CALN1: variants seen among roughly 807,000 people sequenced by gnomAD.
CALN1 encodes calcium-binding protein 8.
Under a neutral mutation model 30.6 loss-of-function variants are expected in CALN1, and 17 were observed. That is an observed-to-expected ratio of 0.56 (90% confidence interval 0.38 to 0.83). CALN1 has a LOEUF of 0.83. Ranked by LOEUF, CALN1 falls within the 40% of genes least tolerant of loss-of-function variation. The pLI is 0.00. For missense variants in CALN1, 291 were observed against 354.9 expected, an observed-to-expected ratio of 0.82 and a Z score of 1.45; for synonymous variants, 156 against 131.4, an observed-to-expected ratio of 1.19 and a Z score of -1.28.
the CALN1 span, among the ~76,000 whole-genome samples, chr7:72,501,869 A>G: frequency 7.2e-6 from 1 of 139,704 alleles, no homozygotes; most frequent in Non-Finnish European, 1.5e-5. Flanking sequence ...AGATCATGCC[A>G]CTGCACTCCA....
intron 3 of CALN1, among the ~76,000 whole-genome samples, chr7:72,216,831 A>C (rs1253128154): frequency 1.3e-5 from 2 of 152,190 alleles, no homozygotes; most frequent in Non-Finnish European, 2.9e-5. Flanking sequence ...GGCTTACAGC[A>C]GACTCAACTT....
intron 3 of CALN1, among the ~76,000 whole-genome samples, chr7:72,207,575 G>A (rs1234432710): frequency 6.6e-6 from 1 of 152,048 alleles, no homozygotes; most frequent in Non-Finnish European, 1.5e-5. Context: ...TCCGCCTCCT[G>A]GTAGTGCTGG....
intron 2 of CALN1, among the ~76,000 whole-genome samples, chr7:72,384,378 G>A (rs961608907): frequency 2.0e-5 from 3 of 152,018 alleles, no homozygotes; most frequent in Admixed American, 1.3e-4. Flanking sequence ...CTGAATGATC[G>A]TACACAAAGA....
chr7:72,096,707 G>T (rs1806259192), intron 4 of CALN1, among the ~76,000 whole-genome samples: 1 of 152,176 alleles, frequency 6.6e-6, no homozygotes, highest in Admixed American at 6.5e-5. Context: ...TTACACTGAT[G>T]GTGGGACTGT....
intron 5 of CALN1, among the ~76,000 whole-genome samples, chr7:71,958,065 C>CAAAAAAAAAAAAAAAAAAAAAA (rs56355838): frequency 4.3e-5 from 4 of 93,874 alleles, no homozygotes; most frequent in Admixed American, 1.3e-4. Flanking sequence ...AACTCCATCT[C>CAAAAAAAAAAAAAAAAAAAAAA]AAAAAAAAAA....
At chr7:72,441,210 G>A (rs1361720791) in intron 1 of CALN1, among the ~76,000 whole-genome samples, 1 of 152,168 alleles carries the variant, frequency 6.6e-6, no homozygotes, top group Non-Finnish European at 1.5e-5. Flanking sequence ...GGAGTCAGTA[G>A]GAGCTAAGGG....
chr7:72,168,134 T>C (rs1309963714), intron 3 of CALN1, among the ~76,000 whole-genome samples: 1 of 151,882 alleles, frequency 6.6e-6, no homozygotes, highest in Admixed American at 6.6e-5. Context: ...TTGGGTTTTC[T>C]CCAAAAGCAA....
At chr7:71,855,433 G>A (rs1003371857) in intron 5 of CALN1, among the ~76,000 whole-genome samples, 6 of 143,208 alleles carry the variant, frequency 4.2e-5, no homozygotes, top group Non-Finnish European at 9.6e-5. Context: ...TTCATCTTAG[G>A]AGCCTTGGTA....
chr7:72,325,114 AC>A (rs1801180317), intron 2 of CALN1, among the ~76,000 whole-genome samples: 1 of 151,978 alleles, frequency 6.6e-6, no homozygotes. Flanking sequence ...AGCCTGGGCA[AC>A]ATGGTGAAAC....
Position 71,892,733 on chromosome 7 carries a change from G to A in CALN1, c.502-82241C>T, listed in dbSNP as rs1793313644. Reference sequence around the variant, plus strand: ...GGCTTTGAGAGCAGAGTAAACAGAGGGGCTTACAAAGCCCTCCTCATTCAC... The same window carrying A: ...GGCTTTGAGAGCAGAGTAAACAGAGAGGCTTACAAAGCCCTCCTCATTCAC... On this transcript the variant is annotated intron_variant, in intron 5 of 6. Coordinates refer to ENST00000395275, the MANE Select transcript of CALN1 (RefSeq NM_031468.4). 2.0e-5 allele frequency among the ~76,000 whole-genome samples: 3 copies of A among 152,116 alleles called. 1 individual carries two copies. The highest frequency in any genetic ancestry group is 4.1e-4 in the South Asian group (2 of 4,822).
chr7:72,320,690 C>G (rs1389445442), intron 2 of CALN1, among the ~76,000 whole-genome samples: 1 of 151,914 alleles, frequency 6.6e-6, no homozygotes, highest in African/African-American at 2.4e-5. Context: ...CAAAAATTAC[C>G]CAGGCATGGT....
intron 1 of CALN1, among the ~76,000 whole-genome samples, chr7:72,439,277 C>T (rs143680308): frequency 0.011 from 1,708 of 152,284 alleles, 15 homozygotes; most frequent in Non-Finnish European, 0.015. Flanking sequence ...TGCAATCCTC[C>T]TACCTCAGCC....
At chr7:72,314,695 G>A (rs868253117) in intron 2 of CALN1, among the ~76,000 whole-genome samples, 4 of 151,884 alleles carry the variant, frequency 2.6e-5, no homozygotes, top group South Asian at 2.1e-4. Context: ...GATTACAGGC[G>A]TGAGCCACCG....
At chr7:72,121,487 A>G (rs1466160871) in intron 3 of CALN1, among the ~76,000 whole-genome samples, 1 of 147,616 alleles carries the variant, frequency 6.8e-6, no homozygotes, top group African/African-American at 2.5e-5. Context: ...TAATTATGTT[A>G]TTTATAATAT....
chr7:72,042,956 C>A (rs558830030), intron 4 of CALN1, among the ~76,000 whole-genome samples: 1 of 152,266 alleles, frequency 6.6e-6, no homozygotes, highest in South Asian at 2.1e-4. Flanking sequence ...CACACACCCC[C>A]ACTCTCACTC....
intron 2 of CALN1, chr7:72,337,066 G>C (rs1316872187): frequency 1.0e-6 from 1 of 985,492 alleles, no homozygotes; most frequent in Non-Finnish European, 1.2e-6. Context: ...TCCCGCTCCC[G>C]CTGGCCGCGC....
chr7:72,340,454 C>T (rs894605326), intron 2 of CALN1, among the ~76,000 whole-genome samples: 3 of 152,098 alleles, frequency 2.0e-5, no homozygotes, highest in African/African-American at 7.2e-5. Context: ...TTGCCTGTAG[C>T]CTCTGCCTCC....
rs185983415 is a variant in CALN1, at chr7:72,114,839, C to G, written c.245-8545G>C. Among the ~76,000 whole-genome samples, 434 of 152,154 alleles carry G rather than the reference C, an allele frequency of 2.9e-3. 3 individuals are homozygous for G. The highest frequency in any genetic ancestry group is 0.01 in the African/African-American group (422 of 41,524). ...CGAAACCCCGTCTCTACTAAAAATA[C>G]AAAAATGTGCTGGGCGTAGTGGCAC... On this transcript the variant is annotated intron_variant, in intron 3 of 6. Coordinates refer to ENST00000395275, the MANE Select transcript of CALN1 (RefSeq NM_031468.4).
chr7:72,010,776 G>A (rs1175925841), intron 5 of CALN1, among the ~76,000 whole-genome samples: 1 of 150,454 alleles, frequency 6.6e-6, no homozygotes, highest in Non-Finnish European at 1.5e-5. Context: ...TCGCGTCACT[G>A]CGCTCCAGCC....
Sources: gnomAD v4.1 joint callset for allele counts (sites outside exome capture counted in the v4.1 genomes callset) on GRCh38, gnomAD v4.1.1 for gene constraint, MANE v1.5 for transcripts, NCBI Gene and HGNC (gene_info 2026-07-23, HGNC 2026-07-21) for gene names.